BAIAP2L1: variants seen among roughly 807,000 people sequenced by gnomAD.
BAIAP2L1 encodes BAR/IMD domain containing adaptor protein 2 like 1.
Under a neutral mutation model 66.3 loss-of-function variants are expected in BAIAP2L1, and 35 were observed. The observed-to-expected ratio is 0.53, with a 90% CI of 0.40 to 0.70. The LOEUF (loss-of-function observed/expected upper bound fraction) is 0.70. BAIAP2L1 is among the 30% of genes least tolerant of loss of function. The pLI is 0.00. For synonymous variants in BAIAP2L1, 269 were observed against 248.7 expected, an observed-to-expected ratio of 1.08 and a Z score of -0.77; for missense variants, 622 against 656.9, an observed-to-expected ratio of 0.95 and a Z score of 0.58.
At chr7:98,366,787 G>A (rs529324242) in intron 1 of BAIAP2L1, among the ~76,000 whole-genome samples, 1 of 152,272 alleles carries the variant, frequency 6.6e-6, no homozygotes, top group East Asian at 1.9e-4. Flanking sequence ...ACTCCCCCAC[G>A]ATCCTCTCTA....
intron 5 of BAIAP2L1, among the ~76,000 whole-genome samples, chr7:98,319,062 G>A (rs181666874): frequency 1.9e-3 from 294 of 152,228 alleles, no homozygotes; most frequent in Non-Finnish European, 3.6e-3. Context: ...TCCGGGTCCT[G>A]TGGCCTCCTG....
chr7:98,299,612 C>A (rs1258262486), intron 12 of BAIAP2L1, among the ~76,000 whole-genome samples: 1 of 152,172 alleles, frequency 6.6e-6, no homozygotes, highest in Non-Finnish European at 1.5e-5. Flanking sequence ...CCACCTTGGC[C>A]TTCCAAGTAG....
At chr7:98,352,460 G>A (rs1802020692) in intron 3 of BAIAP2L1, among the ~76,000 whole-genome samples, 1 of 152,068 alleles carries the variant, frequency 6.6e-6, no homozygotes, top group African/African-American at 2.4e-5. Context: ...TGGCCAAGAT[G>A]GTGAAACCAT....
intron 5 of BAIAP2L1, among the ~76,000 whole-genome samples, chr7:98,319,390 G>A (rs956188755): frequency 2.0e-5 from 3 of 152,170 alleles, no homozygotes; most frequent in Non-Finnish European, 4.4e-5. Flanking sequence ...GTGCTCTCCC[G>A]CACACCACCC....
intron 1 of BAIAP2L1, among the ~76,000 whole-genome samples, chr7:98,390,495 G>A (rs1057054466): frequency 4.0e-5 from 6 of 151,826 alleles, no homozygotes; most frequent in Non-Finnish European, 5.9e-5. Context: ...TTGGGAGGCC[G>A]AGGCGGGCGG....
intron 12 of BAIAP2L1, 122 bp from the exon 13 acceptor site, chr7:98,294,233 T>A: frequency 1.0e-6 from 1 of 975,586 alleles, no homozygotes; most frequent in Non-Finnish European, 1.6e-6. Context: ...GCTCACGTGA[T>A]CCTTCCACCT....
At chr7:98,328,218 A>T (rs1255639214) in intron 3 of BAIAP2L1, among the ~76,000 whole-genome samples, 3 of 152,204 alleles carry the variant, frequency 2.0e-5, no homozygotes, top group Admixed American at 6.5e-5. Context: ...AGGCTGGCTG[A>T]GGAGGCCGGA....
At chr7:98,357,912 T>C (rs1190778552) in intron 2 of BAIAP2L1, among the ~76,000 whole-genome samples, 2 of 152,196 alleles carry the variant, frequency 1.3e-5, no homozygotes, top group Non-Finnish European at 2.9e-5. Context: ...CTCTAAATTA[T>C]GGTGCTTTCT....
At chr7:98,349,807 C>G (rs1052472075) in intron 3 of BAIAP2L1, among the ~76,000 whole-genome samples, 1 of 151,756 alleles carries the variant, frequency 6.6e-6, no homozygotes, top group Admixed American at 6.6e-5. Flanking sequence ...TGTTTGTTTT[C>G]TGACATGGAG....
At chr7:98,357,999 A>C (rs900904627) in intron 2 of BAIAP2L1, among the ~76,000 whole-genome samples, 56 of 152,350 alleles carry the variant, frequency 3.7e-4, no homozygotes, top group African/African-American at 1.3e-3. Context: ...GAAACTGTCA[A>C]GTTGTAAGAT....
At chr7:98,398,602 C>T (rs1803275968) in intron 1 of BAIAP2L1, among the ~76,000 whole-genome samples, 1 of 152,154 alleles carries the variant, frequency 6.6e-6, no homozygotes, top group Non-Finnish European at 1.5e-5. Context: ...GGTCTTTGAT[C>T]TCCATTTACA....
At chr7:98,358,605 C>T (rs13307956) in intron 2 of BAIAP2L1, among the ~76,000 whole-genome samples, 10,591 of 152,206 alleles carry the variant, frequency 0.07, 439 homozygotes, top group Middle Eastern at 0.13. Context: ...GATCCTCCCA[C>T]CTCAGCCTCC....
intron 1 of BAIAP2L1, chr7:98,400,010 C>T (rs1038409006): frequency 1.3e-5 from 2 of 151,974 alleles, no homozygotes; most frequent in Non-Finnish European, 2.9e-5. Context: ...GGGAGTTTCA[C>T]CCCCACATTC....
chr7:98,361,143 G>C lies in BAIAP2L1; in HGVS notation c.127+1214C>G, dbSNP rs112003950. Among the ~76,000 whole-genome samples the C allele has an allele frequency of 1.6e-4, 25 of 152,238 alleles. 1 individual carries two copies. Among genetic ancestry groups the C allele is most frequent in the African/African-American group, 6.0e-4 (25 of 41,542 alleles). ...AGGCTGAGGGGAGTGGATTACCTGA[G>C]GTCAGGAGTTCGAGACCAGCCTGGC... On this transcript the variant is annotated intron_variant, in intron 2 of 13. Coordinates refer to ENST00000005260, the MANE Select transcript of BAIAP2L1 (RefSeq NM_018842.5).
intron 5 of BAIAP2L1, 21 bp from the exon 6 acceptor site, chr7:98,317,377 C>T: frequency 1.2e-6 from 2 of 1,611,258 alleles, no homozygotes; most frequent in Middle Eastern, 3.3e-4. Context: ...AATGGCTGTG[C>T]TTATTTTACT....
intron 5 of BAIAP2L1, among the ~76,000 whole-genome samples, chr7:98,318,772 G>C (rs559555498): frequency 6.6e-6 from 1 of 151,320 alleles, no homozygotes; most frequent in African/African-American, 2.4e-5. Flanking sequence ...GTGAAACCCC[G>C]TCTCTACTAA....
At chr7:98,319,089 A>C (rs972268983) in intron 5 of BAIAP2L1, among the ~76,000 whole-genome samples, 10 of 152,170 alleles carry the variant, frequency 6.6e-5, no homozygotes, top group African/African-American at 2.2e-4. Flanking sequence ...GGGTGCAGCC[A>C]GGCAGCAGTC....
chr7:98,320,764 C>G (rs964303845), intron 3 of BAIAP2L1, among the ~76,000 whole-genome samples: 1 of 152,244 alleles, frequency 6.6e-6, no homozygotes. Context: ...CCCACAGTGG[C>G]TTCCAGGGGG....
At chr7:98,345,683 C>A (rs1035464205) in intron 3 of BAIAP2L1, among the ~76,000 whole-genome samples, 2 of 151,652 alleles carry the variant, frequency 1.3e-5, no homozygotes, top group African/African-American at 4.8e-5. Flanking sequence ...CGAGATCGCA[C>A]CACTGCACTC....
Sources: allele counts gnomAD v4.1 joint callset (sites outside exome capture counted in the v4.1 genomes callset), GRCh38; gene constraint gnomAD v4.1.1; transcripts MANE v1.5; gene names NCBI Gene and HGNC (gene_info 2026-07-23, HGNC 2026-07-21).